DDC: variants seen among roughly 807,000 people sequenced by gnomAD.
The protein encoded by DDC is dopa decarboxylase.
Under a neutral mutation model 60.0 loss-of-function variants are expected in DDC, and 43 were observed. The ratio of observed to expected loss-of-function variants is 0.72; its 90% confidence interval spans 0.56 to 0.92. DDC has a LOEUF of 0.92. Ranked by LOEUF, DDC falls within the 40% of genes least tolerant of loss-of-function variation. DDC has a pLI of 0.00. For missense variants in DDC, 573 were observed against 620.2 expected (o/e 0.92, Z 0.81); for synonymous variants, 232 against 234.6 (o/e 0.99, Z 0.10).
intron 7 of DDC, among the ~76,000 whole-genome samples, chr7:50,499,742 C>A (rs755169529): frequency 2.6e-5 from 4 of 152,216 alleles, no homozygotes; most frequent in Non-Finnish European, 4.4e-5. Context: ...CCATCTTAGA[C>A]CATCCCCTGC....
chr7:50,491,423 C>A (rs2042995424), intron 9 of DDC, among the ~76,000 whole-genome samples: 1 of 152,090 alleles, frequency 6.6e-6, no homozygotes, highest in African/African-American at 2.4e-5. Context: ...TGGGACCTGT[C>A]TAGAAATAAA....
intron 1 of DDC, among the ~76,000 whole-genome samples, chr7:50,557,924 T>C (rs1225898341): frequency 6.6e-6 from 1 of 152,266 alleles, no homozygotes; most frequent in African/African-American, 2.4e-5. Flanking sequence ...CATTCACATT[T>C]TAACTTTAAA....
intron 3 of DDC, among the ~76,000 whole-genome samples, chr7:50,538,643 A>G (rs1012811319): frequency 6.6e-6 from 1 of 152,180 alleles, no homozygotes; most frequent in Admixed American, 6.5e-5. Flanking sequence ...CCAGGAGCCT[A>G]TGCTCTCTGC....
intron 14 of DDC, among the ~76,000 whole-genome samples, chr7:50,459,945 CT>C (rs2042224486): frequency 1.4e-5 from 2 of 140,892 alleles, no homozygotes; most frequent in African/African-American, 5.6e-5. Context: ...GGTCAGCCCC[CT>C]GCCCGGCCAG....
intron 3 of DDC, among the ~76,000 whole-genome samples, chr7:50,539,435 T>C (rs2044532070): frequency 6.6e-6 from 1 of 152,152 alleles, no homozygotes; most frequent in Non-Finnish European, 1.5e-5. Context: ...AGGCAGGAGC[T>C]AGGCCCTTTT....
intron 9 of DDC, chr7:50,492,825 C>T (rs1475988058): frequency 6.6e-7 from 1 of 1,519,236 alleles, no homozygotes; most frequent in Non-Finnish European, 8.8e-7. Flanking sequence ...GAAGAGTTGT[C>T]CGGGAGAGAT....
intron 5 of DDC, 62 bp downstream of exon 5, chr7:50,529,146 T>G (rs1009417465): frequency 1.2e-6 from 2 of 1,608,874 alleles, no homozygotes; most frequent in Non-Finnish European, 1.7e-6. Flanking sequence ...TGGTTTGAAT[T>G]TGACATAAAA....
chr7:50,565,124 A>G (rs1221754922), intron 1 of DDC, among the ~76,000 whole-genome samples, 161 bp downstream of exon 1: 1 of 152,206 alleles, frequency 6.6e-6, no homozygotes, highest in Non-Finnish European at 1.5e-5. Context: ...CACTGAACAA[A>G]AACCCCTGCC....
At chr7:50,554,904 T>C (rs972439185) in intron 1 of DDC, among the ~76,000 whole-genome samples, 12 of 152,176 alleles carry the variant, frequency 7.9e-5, no homozygotes, top group African/African-American at 2.9e-4. Context: ...GGAGGCAGCA[T>C]GGCACTGCGG....
intron 1 of DDC, among the ~76,000 whole-genome samples, chr7:50,547,027 G>GT (rs942511440): frequency 1.0e-3 from 152 of 151,426 alleles, no homozygotes; most frequent in African/African-American, 3.1e-3. Context: ...TGAAGTGACT[G>GT]TTTTTTTTTA....
chr7:50,501,296 C>T (rs2043250752), intron 7 of DDC, among the ~76,000 whole-genome samples: 1 of 152,234 alleles, frequency 6.6e-6, no homozygotes, highest in African/African-American at 2.4e-5. Flanking sequence ...TATTCCCTTC[C>T]TCACACCTTG....
intron 11 of DDC, among the ~76,000 whole-genome samples, chr7:50,471,663 A>G (rs1052219440): frequency 6.6e-6 from 1 of 152,182 alleles, no homozygotes; most frequent in Non-Finnish European, 1.5e-5. Context: ...AAAAGCAGGT[A>G]TGGAGAGTGA....
In DDC at chr7:50,516,389, C is replaced by T. The variant is rs150572779; in HGVS notation, c.714+11748G>A. 4.1e-3 allele frequency among the ~76,000 whole-genome samples: 624 copies of T among 152,074 alleles called. 9 individuals are homozygous for T. The highest frequency in any genetic ancestry group is 0.035 in the Admixed American group (528 of 15,268). Reference sequence around the variant, plus strand: ...AATTCTTCAAACAGAACAACAGTAACGACACAACCTACCAAAACCTCTGGG... The same window carrying T: ...AATTCTTCAAACAGAACAACAGTAATGACACAACCTACCAAAACCTCTGGG... On this transcript the variant is annotated intron_variant, in intron 6 of 14. Coordinates refer to ENST00000444124, the MANE Select transcript of DDC (RefSeq NM_001082971.2).
chr7:50,505,757 G>A (rs58612109), intron 6 of DDC, among the ~76,000 whole-genome samples: 52,210 of 152,138 alleles, frequency 0.34, 9,237 homozygotes, highest in Admixed American at 0.42. Context: ...ACCCCGGGGC[G>A]TGGGCCCAAA....
intron 4 of DDC, among the ~76,000 whole-genome samples, chr7:50,534,412 A>C (rs1389649522): frequency 6.6e-6 from 1 of 151,978 alleles, no homozygotes; most frequent in Non-Finnish European, 1.5e-5. Flanking sequence ...GCCTGGGCAA[A>C]ATGGCAAAAC....
At chr7:50,495,272 G>A in intron 9 of DDC, 78 bp downstream of exon 9, 1 of 1,063,500 alleles carries the variant, frequency 9.4e-7, no homozygotes, top group Non-Finnish European at 1.5e-6. Flanking sequence ...CACCCCTTTG[G>A]CTCTGGCATC....
chr7:50,467,759 G>T (rs1356524658), intron 12 of DDC, among the ~76,000 whole-genome samples: 1 of 152,176 alleles, frequency 6.6e-6, no homozygotes, highest in Non-Finnish European at 1.5e-5. Flanking sequence ...TTGGAGATAA[G>T]AAAACAGGCT....
At chr7:50,515,941 A>T (rs1250250615) in intron 6 of DDC, among the ~76,000 whole-genome samples, 1 of 152,212 alleles carries the variant, frequency 6.6e-6, no homozygotes, top group Non-Finnish European at 1.5e-5. Context: ...TTACTACTAG[A>T]CCTAAGAAAT....
intron 14 of DDC, 72 bp downstream of exon 14, chr7:50,463,141 G>A (rs2042319517): frequency 7.9e-7 from 1 of 1,258,952 alleles, no homozygotes; most frequent in African/African-American, 1.5e-5. Flanking sequence ...CTGTAGCTGG[G>A]TCTGGACTCC....
Sources: gnomAD v4.1 joint callset for allele counts (sites outside exome capture counted in the v4.1 genomes callset) on GRCh38, gnomAD v4.1.1 for gene constraint, MANE v1.5 for transcripts, NCBI Gene and HGNC (gene_info 2026-07-23, HGNC 2026-07-21) for gene names.